Variants in ADAMTSL1 observed in about 807,000 individuals in gnomAD.
The protein encoded by ADAMTSL1 is ADAMTS like 1.
In ADAMTSL1, 126 loss-of-function variants were observed where a neutral mutation model predicts 201.8. The ratio of observed to expected loss-of-function variants is 0.62; its 90% CI spans 0.54 to 0.72. The LOEUF is 0.72. ADAMTSL1 is among the 30% of genes least tolerant of loss of function. The pLI is 0.00. For synonymous variants in ADAMTSL1, 1,121 were observed against 903.4 expected (o/e 1.24, Z -4.32); for missense variants, 2,679 against 2,277.8 (o/e 1.18, Z -3.59).
chr9:18,547,343 C>A (rs1820526399), intron 3 of ADAMTSL1, among the ~76,000 whole-genome samples: 1 of 151,892 alleles, frequency 6.6e-6, no homozygotes. Context: ...GCAACAATCA[C>A]AGATTAAATA....
At chr9:17,947,329 A>ACACACACACACACACACACC (rs1827538499) in intron 1 of ADAMTSL1, among the ~76,000 whole-genome samples, 2 of 145,146 alleles carry the variant, frequency 1.4e-5, no homozygotes, top group Admixed American at 1.4e-4. Flanking sequence ...ACACACACAC[A>ACACACACACACACACACACC]CACACACACA....
intron 2 of ADAMTSL1, among the ~76,000 whole-genome samples, chr9:18,366,486 A>G (rs941471581): frequency 2.0e-5 from 3 of 151,954 alleles, no homozygotes; most frequent in African/African-American, 7.3e-5. Context: ...TGGGACACAC[A>G]GGTTTTTATA....
chr9:18,169,992 T>C (rs1341613395), intron 2 of ADAMTSL1, among the ~76,000 whole-genome samples: 2 of 152,034 alleles, frequency 1.3e-5, no homozygotes, highest in Non-Finnish European at 2.9e-5. Flanking sequence ...ACAAGAAGCA[T>C]AGATTTGGTT....
intron 2 of ADAMTSL1, among the ~76,000 whole-genome samples, chr9:18,182,231 A>G (rs535003370): frequency 3.3e-5 from 5 of 152,048 alleles, no homozygotes; most frequent in Admixed American, 2.0e-4. Context: ...TGTCACATGT[A>G]TACATATGTA....
chr9:18,675,062 G>A (rs564297174), intron 9 of ADAMTSL1, among the ~76,000 whole-genome samples: 1 of 152,270 alleles, frequency 6.6e-6, no homozygotes, highest in South Asian at 2.1e-4. Flanking sequence ...ATATCTTGTG[G>A]ATCCTGAGCA....
chr9:18,415,392 C>T (rs889464732), intron 2 of ADAMTSL1, among the ~76,000 whole-genome samples: 1 of 152,100 alleles, frequency 6.6e-6, no homozygotes, highest in Admixed American at 6.6e-5. Flanking sequence ...AAAATAAAAA[C>T]TTTAATATCC....
intron 1 of ADAMTSL1, among the ~76,000 whole-genome samples, chr9:17,960,680 A>G (rs1390352939): frequency 6.6e-6 from 1 of 152,204 alleles, no homozygotes; most frequent in Non-Finnish European, 1.5e-5. Context: ...TGGGCAAGAA[A>G]GATGTTCTTT....
At chr9:18,578,724 A>G (rs1822894642) in intron 4 of ADAMTSL1, among the ~76,000 whole-genome samples, 1 of 152,078 alleles carries the variant, frequency 6.6e-6, no homozygotes, top group Non-Finnish European at 1.5e-5. Flanking sequence ...CATGATTTAT[A>G]GTCATTTGGG....
chr9:18,178,496 C>T (rs56935695), intron 2 of ADAMTSL1, among the ~76,000 whole-genome samples: 7,875 of 150,758 alleles, frequency 0.052, 249 homozygotes, highest in Middle Eastern at 0.092. Flanking sequence ...ACAAAGCAGC[C>T]GGGAAGCTCG....
intron 1 of ADAMTSL1, among the ~76,000 whole-genome samples, chr9:17,958,953 A>T (rs1219355319): frequency 6.6e-6 from 1 of 152,178 alleles, no homozygotes; most frequent in Admixed American, 6.6e-5. Flanking sequence ...TGAGTTGAGT[A>T]TCTGACAAAT....
At chr9:18,279,355 G>A (rs1339632442) in intron 2 of ADAMTSL1, among the ~76,000 whole-genome samples, 1 of 151,976 alleles carries the variant, frequency 6.6e-6, no homozygotes, top group Admixed American at 6.6e-5. Context: ...GAGTTAAAAT[G>A]TGTTGTTCAA....
chr9:18,299,662 CAAGACTGCAGAACCTGGGTGATG>C (rs995132420), intron 2 of ADAMTSL1, among the ~76,000 whole-genome samples: 23 of 152,252 alleles, frequency 1.5e-4, no homozygotes, highest in African/African-American at 5.5e-4. Flanking sequence ...GCTGCAAAGT[CAAGACTGCAGAACCTGGGTGATG>C]AAGGAGAGCC....
chr9:18,159,066 T>G (rs1827274902), intron 1 of ADAMTSL1, among the ~76,000 whole-genome samples: 1 of 152,054 alleles, frequency 6.6e-6, no homozygotes, highest in Non-Finnish European at 1.5e-5. Flanking sequence ...CATCAAGCAT[T>G]TCAGTATCCA....
chr9:18,572,872 G>T (rs1280646484), intron 3 of ADAMTSL1, among the ~76,000 whole-genome samples: 3 of 152,134 alleles, frequency 2.0e-5, no homozygotes, highest in Non-Finnish European at 4.4e-5. Context: ...CAAAAAATTA[G>T]AATAAAAGCC....
chr9:18,329,648 C>T (rs1228503549), intron 2 of ADAMTSL1, among the ~76,000 whole-genome samples: 2 of 152,230 alleles, frequency 1.3e-5, no homozygotes, highest in African/African-American at 4.8e-5. Flanking sequence ...ATCAGCCACA[C>T]TAACCTTGTC....
intron 15 of ADAMTSL1, chr9:18,723,794 A>G (rs951702005): frequency 2.0e-5 from 3 of 152,282 alleles, no homozygotes; most frequent in African/African-American, 7.2e-5. Flanking sequence ...TTTTCCCCCT[A>G]AAAATGATAA....
chr9:18,548,198 G>C (rs1037707736), intron 3 of ADAMTSL1, among the ~76,000 whole-genome samples: 2 of 152,044 alleles, frequency 1.3e-5, no homozygotes, highest in African/African-American at 4.8e-5. Context: ...GTGAAGAAAA[G>C]TTAAATCTTT....
chr9:17,917,255 A>G (rs1826129798), intron 1 of ADAMTSL1, among the ~76,000 whole-genome samples: 1 of 152,082 alleles, frequency 6.6e-6, no homozygotes, highest in Non-Finnish European at 1.5e-5. Context: ...TTTTTCTTGT[A>G]TTATGACACT....
chr9:18,648,860 T>C (rs1218681079), intron 7 of ADAMTSL1, among the ~76,000 whole-genome samples: 1 of 152,172 alleles, frequency 6.6e-6, no homozygotes, highest in African/African-American at 2.4e-5. Context: ...CTGACAATTA[T>C]GTGTCTTGGA....
Sources: allele counts gnomAD v4.1 joint callset (sites outside exome capture counted in the v4.1 genomes callset), GRCh38; gene constraint gnomAD v4.1.1; transcripts MANE v1.5; gene names NCBI Gene and HGNC (gene_info 2026-07-23, HGNC 2026-07-21).